The following TMEFF2 variants were observed in gnomAD, a reference collection of about 807,000 sequenced individuals.
TMEFF2 encodes transmembrane protein with EGF like and two follistatin like domains 2, also known as tomoregulin-2.
Under a neutral mutation model 53.8 loss-of-function variants are expected in TMEFF2, and 28 were observed. The ratio of observed to expected loss-of-function variants is 0.52; its 90% CI spans 0.39 to 0.71. The LOEUF is 0.71. Among genes scored for constraint, TMEFF2 ranks in the 30% least tolerant of loss-of-function variants. TMEFF2 has a pLI of 0.00. For missense variants in TMEFF2, 353 were observed against 455.2 expected (o/e 0.78, Z 2.04); for synonymous variants, 162 against 166.3 (o/e 0.97, Z 0.20).
chr2:191,987,458 G>A (rs1346825110), intron 7 of TMEFF2, among the ~76,000 whole-genome samples: 1 of 151,522 alleles, frequency 6.6e-6, no homozygotes, highest in African/African-American at 2.4e-5. Flanking sequence ...CCAGGCTGGA[G>A]TGCAGTGGCA....
At chr2:191,965,524 C>A (rs1319794741) in intron 7 of TMEFF2, among the ~76,000 whole-genome samples, 1 of 152,148 alleles carries the variant, frequency 6.6e-6, no homozygotes, top group Non-Finnish European at 1.5e-5. Context: ...ATTTTGATCG[C>A]CCTTAAAACT....
chr2:192,056,351 GAC>G (rs767886209), intron 5 of TMEFF2, among the ~76,000 whole-genome samples: 3 of 151,830 alleles, frequency 2.0e-5, no homozygotes, highest in Non-Finnish European at 2.9e-5. Flanking sequence ...GAAGGGGAAA[GAC>G]AGGGAGGGAA....
intron 7 of TMEFF2, among the ~76,000 whole-genome samples, chr2:191,972,308 CTTTTTTTTTTTT>C (rs764218539): frequency 9.6e-5 from 7 of 72,830 alleles, no homozygotes; most frequent in East Asian, 4.0e-4. Context: ...TCATGCCCAG[CTTTTTTTTTTTT>C]TTTTTTTTTT....
At chr2:192,147,363 G>A (rs951943805) in intron 4 of TMEFF2, among the ~76,000 whole-genome samples, 1 of 151,534 alleles carries the variant, frequency 6.6e-6, no homozygotes, top group African/African-American at 2.4e-5. Flanking sequence ...TAAGTTTTAG[G>A]GTACATGTGC....
chr2:192,120,677 T>C (rs1689528599), intron 4 of TMEFF2, among the ~76,000 whole-genome samples: 1 of 152,226 alleles, frequency 6.6e-6, no homozygotes. Flanking sequence ...TGTTTCTATT[T>C]GCCTTGAGCA....
intron 5 of TMEFF2, among the ~76,000 whole-genome samples, chr2:192,013,930 ATTTAAAATATGC>A (rs1435745445): frequency 6.6e-6 from 1 of 152,266 alleles, no homozygotes; most frequent in Admixed American, 6.5e-5. Flanking sequence ...TACATTCTGA[ATTTAAAATATGC>A]TTATATTTCA....
chr2:191,950,428 CA>C (rs765945185), intron 9 of TMEFF2, 21 bp from the exon 10 acceptor site: 3 of 1,613,832 alleles, frequency 1.9e-6, no homozygotes, highest in Non-Finnish European at 2.5e-6. Flanking sequence ...GGAAAGTTTA[CA>C]AATCTCAGTC....
intron 4 of TMEFF2, among the ~76,000 whole-genome samples, chr2:192,058,537 ATAAAGT>A (rs1212184914): frequency 6.6e-6 from 1 of 152,176 alleles, no homozygotes; most frequent in East Asian, 1.9e-4. Context: ...TCACCTAATT[ATAAAGT>A]TAGTCTTTCA....
Position 191,949,718 on chromosome 2 carries a change from G to T in TMEFF2, c.*593C>A. On this transcript the variant is annotated 3_prime_UTR_variant, in exon 10 of 10. Coordinates refer to ENST00000272771, the MANE Select transcript of TMEFF2 (RefSeq NM_016192.4). ...TCTTTTATTTAGTTTATATGCCAGA[G>T]ATTTTTCTGCTCTAGGGATGAAAAT... 1.0e-6 allele frequency: 1 copy of T among 985,368 alleles called. No individual in the cohort carries two copies. The highest frequency in any genetic ancestry group is 1.2e-6 in the Non-Finnish European group (1 of 829,906). 61.0% of individuals were successfully genotyped at this position (985,368 alleles called of 1,614,324 possible).
At chr2:192,094,994 T>G (rs556879354) in intron 4 of TMEFF2, among the ~76,000 whole-genome samples, 10 of 152,294 alleles carry the variant, frequency 6.6e-5, no homozygotes, top group African/African-American at 2.2e-4. Flanking sequence ...TCAAACTTAC[T>G]GCTATTTTTA....
intron 4 of TMEFF2, among the ~76,000 whole-genome samples, chr2:192,128,614 T>A (rs890601479): frequency 1.3e-5 from 2 of 152,148 alleles, no homozygotes; most frequent in East Asian, 3.9e-4. Context: ...TCACTTTTAA[T>A]AGGAAGAAAG....
At chr2:191,996,803 G>A (rs116206930) in intron 7 of TMEFF2, among the ~76,000 whole-genome samples, 1,585 of 151,832 alleles carry the variant, frequency 0.01, 31 homozygotes, top group African/African-American at 0.037. Flanking sequence ...AAAATTTTCA[G>A]GATTTGCTTC....
intron 5 of TMEFF2, among the ~76,000 whole-genome samples, chr2:192,056,995 T>C (rs928347155): frequency 2.6e-5 from 4 of 152,210 alleles, no homozygotes; most frequent in African/African-American, 4.8e-5. Context: ...TGGTATTTTG[T>C]TATAGAAACC....
rs72914366 is a variant in TMEFF2 at position 191,977,122 on chromosome 2, G to C, written c.746-20744C>G. 5.2e-3 allele frequency among the ~76,000 whole-genome samples: 793 copies of C among 152,294 alleles called. 5 individuals carry two copies. The highest frequency in any genetic ancestry group is 6.0e-3 in the Non-Finnish European group (409 of 68,024). On this transcript the variant is annotated intron_variant, in intron 7 of 9. Transcript: ENST00000272771. ...TCTCAGAGGAAGGCTATCTGAAGCC[G>C]ATACATGAAATATGAACATGAATTA...
rs935454276 is a variant in TMEFF2 at position 192,064,497 on chromosome 2, G to A, written c.440-6722C>T. Among the ~76,000 whole-genome samples, 5 of 151,914 alleles carry A rather than the reference G, an allele frequency of 3.3e-5. No homozygotes were observed. In the South Asian group the frequency reaches 6.2e-4, roughly 19 times the overall value. On this transcript the variant is annotated intron_variant, in intron 4 of 9. Transcript: ENST00000272771. The stretch of plus-strand genomic sequence containing the variant: ...ATCGCTACTAAATGATTTGACGTCT[G>A]TTCTGTATTTGCCTTAACTTTTCAA...
intron 7 of TMEFF2, among the ~76,000 whole-genome samples, chr2:191,973,357 CT>C (rs1360379389): frequency 6.6e-6 from 1 of 151,850 alleles, no homozygotes; most frequent in Non-Finnish European, 1.5e-5. Context: ...TTGTTTGAGA[CT>C]GCAACACTCC....
chr2:192,091,109 T>C (rs1051215738), intron 4 of TMEFF2, among the ~76,000 whole-genome samples: 6 of 152,152 alleles, frequency 3.9e-5, no homozygotes, highest in Non-Finnish European at 7.4e-5. Context: ...GCTCCCCAGA[T>C]TCCTACTCCA....
intron 4 of TMEFF2, among the ~76,000 whole-genome samples, chr2:192,152,135 T>C (rs1379382791): frequency 2.6e-5 from 4 of 151,918 alleles, no homozygotes; most frequent in Non-Finnish European, 5.9e-5. Flanking sequence ...CAAGGATGGC[T>C]GCCAATTTTT....
chr2:192,180,848 A>C (rs962133891), intron 3 of TMEFF2, among the ~76,000 whole-genome samples: 1 of 151,720 alleles, frequency 6.6e-6, no homozygotes, highest in Non-Finnish European at 1.5e-5. Flanking sequence ...AGTACCATGA[A>C]GGAGCAGTAG....
Sources: gnomAD v4.1 joint callset for allele counts (sites outside exome capture counted in the v4.1 genomes callset) on GRCh38, gnomAD v4.1.1 for gene constraint, MANE v1.5 for transcripts, NCBI Gene and HGNC (gene_info 2026-07-23, HGNC 2026-07-21) for gene names.